Variants in KLK9 observed in about 807,000 individuals in gnomAD.
KLK9 encodes kallikrein related peptidase 9, also known as kallikrein-9.
In KLK9, 26 loss-of-function variants were observed where a neutral mutation model predicts 23.3. The ratio of observed to expected loss-of-function variants is 1.12; its 90% CI spans 0.82 to 1.55. KLK9 has a LOEUF of 1.55. Ranked by LOEUF, KLK9 falls within the 40% of genes most tolerant of loss-of-function variation. KLK9 has a pLI of 0.00. For missense variants in KLK9, 346 were observed against 333.7 expected, an observed-to-expected ratio of 1.04 and a Z score of -0.29; for synonymous variants, 122 against 128.5, an observed-to-expected ratio of 0.95 and a Z score of 0.34.
rs1259275309 is a variant in KLK9 at position 51,009,066 on chromosome 19, A to C, written c.200+117T>G. On this transcript the variant is annotated intron_variant, in intron 2 of 4. Coordinates refer to ENST00000594211, the MANE Select transcript of KLK9 (RefSeq NM_012315.2). The surrounding 1 kb of genome is among the most constrained non-coding windows in gnomAD (Gnocchi z 4.8). ...GGAGGCTACCCTTCCTACTTCTAAGAGTTGAACTTGTGGTATCAGAAGTGG... is the reference window on the plus strand; with the variant it reads ...GGAGGCTACCCTTCCTACTTCTAAGCGTTGAACTTGTGGTATCAGAAGTGG... 3 of 1,161,636 alleles carry C rather than the reference A, an allele frequency of 2.6e-6. No homozygotes were observed. The highest frequency in any genetic ancestry group is 3.5e-6 in the Non-Finnish European group (3 of 847,652). 72.0% of individuals were successfully genotyped at this position (1,161,636 alleles called of 1,614,324 possible). A position where few individuals can be genotyped will look rare whatever the true frequency, so the allele number is the denominator to read the frequency against.
Position 51,007,452 on chromosome 19 carries a change from A to T in KLK9, c.201-729T>A, listed in dbSNP as rs146101915. ...CGAATTCAGGGTTGGGGAACCAGAA[A>T]CATCTGTGTCTGTCTCTCTCTGTCA... On this transcript the variant is annotated intron_variant, in intron 2 of 4. Transcript: ENST00000594211. Among the ~76,000 whole-genome samples, 93 of 151,880 alleles carry T rather than the reference A, an allele frequency of 6.1e-4. 1 individual carries two copies. The highest frequency in any genetic ancestry group is 2.1e-3 in the African/African-American group (86 of 41,496).
intron 3 of KLK9, among the ~76,000 whole-genome samples, chr19:51,005,488 T>C (rs1475043058): frequency 6.6e-6 from 1 of 152,098 alleles, no homozygotes; most frequent in Non-Finnish European, 1.5e-5. Context: ...CCAGAATCAG[T>C]GCTTTATTCA....
chr19:51,009,484 C>T lies in KLK9; in HGVS notation c.43+21G>A. The T allele has an allele frequency of 6.2e-7, 1 of 1,601,356 alleles. No individual in the cohort carries two copies. ...TGACCTTAGTACAGCCGTGAAGGGG[C>T]AGCCAGCCTGGGAGCCTCACCTGCC... On this transcript the variant is annotated intron_variant, in intron 1 of 4. Transcript: ENST00000594211. This position sits in a 1 kb window ranked among gnomAD's most constrained non-coding sequence, Gnocchi z 4.8.
At chr19:51,003,383 A>G in intron 4 of KLK9, 123 bp from the exon 5 acceptor site, 1 of 1,067,990 alleles carries the variant, frequency 9.4e-7, no homozygotes. Flanking sequence ...AGAGTCCTCC[A>G]TCTCCAGCCT....
In KLK9 at chr19:51,003,831, G is replaced by A; in HGVS notation, c.476C>T (p.Pro159Leu). The A allele has an allele frequency of 6.2e-7, 1 of 1,613,832 alleles. No homozygotes were observed. The highest frequency in any genetic ancestry group is 8.5e-7 in the Non-Finnish European group (1 of 1,179,796). The change falls in exon 4 of 5, where the codon CCA becomes CTA. Residue 159 changes from proline (P) to leucine (L), a missense_variant. By Grantham distance (98) the Pro-to-Leu change is moderately conservative. Coordinates refer to ENST00000594211, the MANE Select transcript of KLK9 (RefSeq NM_012315.2). ...GAVSSPKALF[P>L]VTLQCANISI... ...GATGTTGGCACACTGCAGTGTGACTGGAAACAGCGCTGTCAGGGAAGAGAA... is the reference window on the plus strand; with the variant it reads ...GATGTTGGCACACTGCAGTGTGACTAGAAACAGCGCTGTCAGGGAAGAGAA...
At position 51,009,551 on chromosome 19, in the gene KLK9, C is replaced by T; in HGVS notation, c.-4G>A. 2 of 1,612,570 alleles carry T rather than the reference C, an allele frequency of 1.2e-6. No individual in the cohort carries two copies. Among genetic ancestry groups the T allele is most frequent in the Middle Eastern group, 1.7e-4 (1 of 6,056 alleles). ...CACAGAGGAGTCCCAGCTTCATGACCCCTGGGCACCTGGATCCTGGAACGT... is the reference window on the plus strand; with the variant it reads ...CACAGAGGAGTCCCAGCTTCATGACTCCTGGGCACCTGGATCCTGGAACGT... On this transcript the variant is annotated 5_prime_UTR_variant, in exon 1 of 5. Transcript: ENST00000594211. The surrounding 1 kb of genome is among the most constrained non-coding windows in gnomAD (Gnocchi z 4.8).
chr19:51,009,199 C>A lies in KLK9; in HGVS notation c.184G>T (p.Ala62Ser). ...LISDRWLLTA[A>S]HCRKPYLWVR... is the part of the protein sequence containing the mutation. ...GTCACTCACGGCTTGCGGCAGTGGG[C>A]AGCTGTGAGCAGCCAGCGGTCACTG... Residue 62 changes from alanine (A) to serine (S), a missense_variant, in exon 2 of 5, where the codon GCC (alanine) becomes TCC (serine). By Grantham distance (99) the Ala-to-Ser change is moderately conservative. Transcript: ENST00000594211. The surrounding 1 kb of genome is among the most constrained non-coding windows in gnomAD (Gnocchi z 4.8). 1.9e-6 allele frequency: 3 copies of A among 1,608,002 alleles called. No individual in the cohort carries two copies. Among genetic ancestry groups the A allele is most frequent in the Non-Finnish European group, 2.5e-6 (3 of 1,178,822 alleles).
chr19:51,003,106 C>A lies in KLK9; in HGVS notation c.*5G>T. 6.2e-7 allele frequency: 1 copy of A among 1,603,774 alleles called. No homozygotes were observed. The highest frequency in any genetic ancestry group is 8.5e-7 in the Non-Finnish European group (1 of 1,174,264). On this transcript the variant is annotated 3_prime_UTR_variant, in exon 5 of 5. Coordinates refer to ENST00000594211, the MANE Select transcript of KLK9 (RefSeq NM_012315.2). ...TCTTCCAAGGTGCCCCCGTGGCGCG[C>A]GGGCTCAGTTCTCCATGATTTCTTG...
In KLK9 at chr19:51,006,477, C is replaced by A; in HGVS notation, c.447G>T (p.Gly149=). Residue 149 remains glycine, a synonymous_variant, in exon 3 of 5, where the codon GGG becomes GGT. Transcript: ENST00000594211. This position sits in a 1 kb window ranked among gnomAD's most constrained non-coding sequence, Gnocchi z 4.1. ...TCATACCCTTGGGGCTGGACACGGC[C>A]CCCCAGCCTGAGATGAGACACTGCA... ...PGMQCLISGW[G]AVSSPKALFP... The A allele has an allele frequency of 6.2e-7, 1 of 1,611,626 alleles. No individual in the cohort carries two copies. Among genetic ancestry groups the A allele is most frequent in the African/African-American group, 1.3e-5 (1 of 74,956 alleles).
At position 51,009,289 on chromosome 19, in the gene KLK9, TG is replaced by T. The variant is rs1218682589; in HGVS notation, c.93del (p.Asn32ThrfsTer83). ...AGGCCGGCCTGCCAAGGCTGGGAGT[TG>T]GGGCGACATTCCTCGGCCCCGATGG... Reference protein sequence around the residue: ...TRAIGAEECRPNSQPWQAGLF... With the variant: ...TRAIGAEECRXNSQPWQAGLF... On this transcript the variant is annotated frameshift_variant, in exon 2 of 5. Coordinates refer to ENST00000594211, the MANE Select transcript of KLK9 (RefSeq NM_012315.2). LOFTEE classifies it high-confidence loss of function. The surrounding 1 kb of genome is among the most constrained non-coding windows in gnomAD (Gnocchi z 4.8). 3 of 1,601,120 alleles carry T rather than the reference TG, an allele frequency of 1.9e-6. No homozygotes were observed. The highest frequency in any genetic ancestry group is 2.6e-6 in the Non-Finnish European group (3 of 1,174,304).
intron 2 of KLK9, among the ~76,000 whole-genome samples, chr19:51,007,425 T>A (rs1439981584): frequency 1.3e-5 from 2 of 151,848 alleles, no homozygotes; most frequent in African/African-American, 4.8e-5. Context: ...GGCTAATGAC[T>A]GCGAATTCAG....
rs2091241210 is a variant in KLK9, at chr19:51,003,175, C to T, written c.689G>A (p.Arg230His). The part of the protein sequence containing the change: ...GGAEPCSRPR[R>H]PAVYTSVCHY... ...GCATACGCTGGTGTAGACTGCGGGG[C>T]GCCGGGGTCTGGAGCAGGGCTCAGC... Residue 230 changes from arginine (R) to histidine (H), a missense_variant, in exon 5 of 5, where the codon CGC becomes CAC. Coordinates refer to ENST00000594211, the MANE Select transcript of KLK9 (RefSeq NM_012315.2). The T allele has an allele frequency of 1.9e-6, 3 of 1,583,492 alleles. No homozygotes were observed. The highest frequency in any genetic ancestry group is 2.3e-5 in the South Asian group (2 of 87,260).
Position 51,006,823 on chromosome 19 carries a change from G to C in KLK9, c.201-100C>G. On this transcript the variant is annotated intron_variant, in intron 2 of 4. Coordinates refer to ENST00000594211, the MANE Select transcript of KLK9 (RefSeq NM_012315.2). This position sits in a 1 kb window ranked among gnomAD's most constrained non-coding sequence, Gnocchi z 4.1. Reference sequence around the variant, plus strand: ...CCATCAGGGTGCTGTGTGACCCTCTGCAAGCCACACACCCTCTCTGCACCC... The same window carrying C: ...CCATCAGGGTGCTGTGTGACCCTCTCCAAGCCACACACCCTCTCTGCACCC... The C allele has an allele frequency of 7.8e-7, 1 of 1,278,154 alleles. No individual in the cohort carries two copies. The highest frequency in any genetic ancestry group is 1.6e-5 in the South Asian group (1 of 63,824). The allele number at this position is 1,278,154 out of a possible 1,614,324, so 79.2% of individuals were successfully genotyped here.
chr19:51,003,503 T>C (rs1427525407), intron 4 of KLK9, among the ~76,000 whole-genome samples: 1 of 152,156 alleles, frequency 6.6e-6, no homozygotes, highest in East Asian at 1.9e-4. Context: ...ACTCCTCCTG[T>C]AGATCCAGAA....
intron 3 of KLK9, 51 bp from the exon 4 acceptor site, chr19:51,003,891 A>C (rs756205677): frequency 2.6e-6 from 4 of 1,551,488 alleles, no homozygotes; most frequent in Admixed American, 1.7e-5. Flanking sequence ...CAACACACTC[A>C]GCACCCCACT....
intron 4 of KLK9, 139 bp downstream of exon 4, chr19:51,003,565 T>C: frequency 1.3e-6 from 1 of 769,288 alleles, no homozygotes; most frequent in Non-Finnish European, 2.1e-6. Flanking sequence ...CAGGCCCTGG[T>C]CCCGTCCTCT....
intron 3 of KLK9, among the ~76,000 whole-genome samples, chr19:51,005,469 C>T (rs2091251938): frequency 6.6e-6 from 1 of 152,146 alleles, no homozygotes; most frequent in Admixed American, 6.5e-5. Flanking sequence ...TCCCACCCAG[C>T]ATCTTTTACC....
chr19:51,008,262 C>G (rs142569350), intron 2 of KLK9, among the ~76,000 whole-genome samples: 2 of 147,322 alleles, frequency 1.4e-5, no homozygotes, highest in African/African-American at 2.5e-5. Flanking sequence ...TGCTTGAACC[C>G]GAGAGGCAGA....
At chr19:51,008,256 T>G (rs2091263206) in intron 2 of KLK9, among the ~76,000 whole-genome samples, 1 of 147,572 alleles carries the variant, frequency 6.8e-6, no homozygotes, top group Non-Finnish European at 1.5e-5. Flanking sequence ...GAGAATTGCT[T>G]GAACCCGAGA....
Sources: gnomAD v4.1 joint callset for allele counts (sites outside exome capture counted in the v4.1 genomes callset) on GRCh38, gnomAD v4.1.1 for gene constraint, Gnocchi (gnomAD v3.1) non-coding constraint, MANE v1.5 for transcripts, NCBI Gene and HGNC (gene_info 2026-07-23, HGNC 2026-07-21) for gene names.